The following SMAD3 variants were observed in gnomAD, a reference collection of about 807,000 sequenced individuals.
SMAD3 encodes SMAD family member 3.
SMAD3 carries 12 observed loss-of-function variants against 51.8 expected under a neutral mutation model. The ratio of observed to expected loss-of-function variants is 0.23; its 90% CI spans 0.15 to 0.38. The LOEUF is 0.38. Ranked by LOEUF, SMAD3 falls within the 10% of genes least tolerant of loss-of-function variation. The pLI, the probability that SMAD3 is intolerant of heterozygous loss-of-function variation, is 1.00. For missense variants in SMAD3, 294 were observed against 565.6 expected (o/e 0.52, Z 4.87); for synonymous variants, 238 against 227.7 (o/e 1.05, Z -0.41).
chr15:67,138,197 C>T (rs1049432038), intron 1 of SMAD3: 4 of 936,162 alleles, frequency 4.3e-6, no homozygotes, highest in Non-Finnish European at 6.7e-6. Flanking sequence ...CAGAGTTTCT[C>T]CGGGCTTCTC....
At chr15:67,162,533 C>T (rs1187436685) in intron 1 of SMAD3, among the ~76,000 whole-genome samples, 1 of 152,180 alleles carries the variant, frequency 6.6e-6, no homozygotes, top group African/African-American at 2.4e-5. Flanking sequence ...AGCCCACTTA[C>T]ACATCTCAGA....
At chr15:67,160,572 A>G (rs1185674063) in intron 1 of SMAD3, among the ~76,000 whole-genome samples, 1 of 152,068 alleles carries the variant, frequency 6.6e-6, no homozygotes, top group African/African-American at 2.4e-5. Context: ...GGAGTTCGAG[A>G]CCATCCTGGT....
intron 1 of SMAD3, among the ~76,000 whole-genome samples, chr15:67,107,993 G>T (rs1445172063): frequency 3.0e-5 from 1 of 33,716 alleles, no homozygotes; most frequent in South Asian, 1.3e-3. Flanking sequence ...CACCTCCCGC[G>T]CTGTGCCCAG....
intron 1 of SMAD3, among the ~76,000 whole-genome samples, chr15:67,133,703 C>G (rs1284288248): frequency 6.6e-6 from 1 of 152,154 alleles, no homozygotes; most frequent in African/African-American, 2.4e-5. Context: ...TTGGTTTTCA[C>G]TCAAGGCCGT....
intron 1 of SMAD3, among the ~76,000 whole-genome samples, chr15:67,144,910 G>A (rs954909043): frequency 5.3e-5 from 8 of 152,094 alleles, no homozygotes; most frequent in African/African-American, 1.7e-4. Context: ...AGAGGATTGC[G>A]TGATGGGGGC....
intron 7 of SMAD3, chr15:67,186,817 G>A (rs779353653): frequency 5.9e-6 from 2 of 339,402 alleles, no homozygotes; most frequent in African/African-American, 2.2e-5. Flanking sequence ...GAGGAGCCCA[G>A]GTGGAGGGTG....
intron 1 of SMAD3, among the ~76,000 whole-genome samples, chr15:67,114,323 A>G (rs1458025565): frequency 6.6e-6 from 1 of 152,108 alleles, no homozygotes; most frequent in African/African-American, 2.4e-5. Context: ...ACAGCTTCTC[A>G]TGGAATTGGG....
intron 1 of SMAD3, 48 bp downstream of exon 1, chr15:67,066,408 CT>C (rs1449253573): frequency 6.5e-7 from 1 of 1,530,542 alleles, no homozygotes; most frequent in South Asian, 1.1e-5. Context: ...GCCCAGCCCC[CT>C]GGCACTGCGG....
At chr15:67,190,265 G>A in intron 8 of SMAD3, 148 bp from the exon 9 acceptor site, 1 of 720,098 alleles carries the variant, frequency 1.4e-6, no homozygotes, top group Non-Finnish European at 2.4e-6. Flanking sequence ...GGTAGTTTCA[G>A]CAAGTTACTG....
intron 5 of SMAD3, among the ~76,000 whole-genome samples, chr15:67,176,525 T>A (rs188764510): frequency 1.3e-5 from 2 of 152,260 alleles, no homozygotes; most frequent in East Asian, 1.9e-4. Flanking sequence ...GAAAGTTAAT[T>A]TCCCCCCTTG....
At chr15:67,117,540 C>T (rs1173211193) in intron 1 of SMAD3, among the ~76,000 whole-genome samples, 2 of 152,062 alleles carry the variant, frequency 1.3e-5, no homozygotes, top group Non-Finnish European at 2.9e-5. Flanking sequence ...CCACCAGGTC[C>T]CTGGTGGAGT....
At chr15:67,104,371 T>A (rs1038920014) in intron 1 of SMAD3, among the ~76,000 whole-genome samples, 2 of 152,164 alleles carry the variant, frequency 1.3e-5, no homozygotes, top group African/African-American at 2.4e-5. Flanking sequence ...CACTAATCAA[T>A]GTATCTGATT....
intron 1 of SMAD3, among the ~76,000 whole-genome samples, chr15:67,152,549 A>G (rs569477316): frequency 1.3e-5 from 2 of 152,318 alleles, no homozygotes; most frequent in East Asian, 3.9e-4. Flanking sequence ...GGTGAAGTCC[A>G]CTGTTGCCTT....
intron 1 of SMAD3, among the ~76,000 whole-genome samples, chr15:67,123,258 G>C (rs902317286): frequency 6.6e-6 from 1 of 151,684 alleles, no homozygotes; most frequent in African/African-American, 2.4e-5. Flanking sequence ...CACTTTGGGA[G>C]GCCGAGGCGG....
rs56675753 is a variant in SMAD3 at position 67,084,070 on chromosome 15, C to CTTTTTTTTTTT, written c.206+17723_206+17733dup. 3.0e-3 allele frequency among the ~76,000 whole-genome samples: 253 copies of CTTTTTTTTTTT among 85,058 alleles called. 2 individuals are homozygous for CTTTTTTTTTTT. The highest frequency in any genetic ancestry group is 4.4e-3 in the African/African-American group (104 of 23,780). 55.8% of individuals were successfully genotyped at this position (85,058 alleles called of 152,430 possible). ...CCGTTCTCAGATTTTCTTTTTTTTT[C>CTTTTTTTTTTT]TTTTTTTTTTTTTTTTTTTTTTTGA... is the stretch of plus-strand genomic sequence containing the variant. On this transcript the variant is annotated intron_variant, in intron 1 of 8. Coordinates refer to ENST00000327367, the MANE Select transcript of SMAD3 (RefSeq NM_005902.4).
At chr15:67,151,858 G>A (rs1208912339) in intron 1 of SMAD3, among the ~76,000 whole-genome samples, 1 of 151,854 alleles carries the variant, frequency 6.6e-6, no homozygotes, top group Non-Finnish European at 1.5e-5. Flanking sequence ...TTGAAACTAT[G>A]TAATATATGA....
chr15:67,097,476 C>G (rs994406244), intron 1 of SMAD3, among the ~76,000 whole-genome samples: 1 of 152,100 alleles, frequency 6.6e-6, no homozygotes. Context: ...AACTTGTGAG[C>G]TCAGGCTATC....
chr15:67,154,517 A>G (rs962859082), intron 1 of SMAD3, among the ~76,000 whole-genome samples: 1 of 152,206 alleles, frequency 6.6e-6, no homozygotes, highest in African/African-American at 2.4e-5. Context: ...TGAGACCTCA[A>G]TTATCTAGAA....
At chr15:67,144,685 A>G (rs942577785) in intron 1 of SMAD3, among the ~76,000 whole-genome samples, 1 of 152,002 alleles carries the variant, frequency 6.6e-6, no homozygotes, top group African/African-American at 2.4e-5. Flanking sequence ...CCTACATGTG[A>G]TAGAGCTGCC....
Sources: gnomAD v4.1 joint callset for allele counts (sites outside exome capture counted in the v4.1 genomes callset) on GRCh38, gnomAD v4.1.1 for gene constraint, MANE v1.5 for transcripts, NCBI Gene and HGNC (gene_info 2026-07-23, HGNC 2026-07-21) for gene names.